Variants in GEN1 observed in about 807,000 individuals in gnomAD.
GEN1 encodes flap endonuclease GEN homolog 1.
A neutral mutation model predicts 67.6 loss-of-function variants in GEN1; 64 were observed. The ratio of observed to expected loss-of-function variants is 0.95; its 90% CI spans 0.77 to 1.17. The LOEUF (loss-of-function observed/expected upper bound fraction) is 1.17, where lower values mean the gene tolerates loss of function less well. Among genes scored for constraint, GEN1 ranks in the 50% most tolerant of loss-of-function variants. The probability of loss-of-function intolerance (pLI) is 0.00; values close to 1 mark genes in which losing one functional copy is unlikely to be tolerated. For synonymous variants in GEN1, 371 were observed against 359.4 expected (o/e 1.03, Z -0.37); for missense variants, 1,058 against 1,048.3 (o/e 1.01, Z -0.13).
At chr2:17,757,271 G>C (rs1671473226) in intron 1 of GEN1, among the ~76,000 whole-genome samples, 1 of 148,412 alleles carries the variant, frequency 6.7e-6, no homozygotes, top group Non-Finnish European at 1.5e-5. Flanking sequence ...TTTAGGCATG[G>C]CTGCCCCCTG....
chr2:17,774,904 T>TA (rs1402767711), intron 11 of GEN1, among the ~76,000 whole-genome samples: 5 of 151,610 alleles, frequency 3.3e-5, no homozygotes, highest in East Asian at 1.9e-4. Context: ...GGGTAGATAA[T>TA]AAAAAACTAA....
rs1164824094 is a variant in GEN1 at position 17,784,209 on chromosome 2, A to G, written c.*2270A>G. Reference sequence around the variant, plus strand: ...GCTTTTCTGCAAAGAAGAAATACAAATGACCAAGAAGCACATTTAAAAATT... The same window carrying G: ...GCTTTTCTGCAAAGAAGAAATACAAGTGACCAAGAAGCACATTTAAAAATT... On this transcript the variant is annotated 3_prime_UTR_variant, in exon 14 of 14. Transcript: ENST00000381254. The G allele has an allele frequency of 1.3e-5, 2 of 152,242 alleles. No homozygotes were observed. The highest frequency in any genetic ancestry group is 2.9e-5 in the Non-Finnish European group (2 of 68,044). The allele number at this position is 152,242 out of a possible 1,614,324, so 9.4% of individuals were successfully genotyped here. A position where few individuals can be genotyped will look rare whatever the true frequency, so the allele number is the denominator to read the frequency against.
Position 17,772,747 on chromosome 2 carries a change from G to C in GEN1, c.916G>C (p.Asp306His), listed in dbSNP as rs1208983676. ...CPCEWHRTEH[D>H]RQLSEVENNI... ...TTGTGAGTGGCACCGTACAGAACAT[G>C]ATAGGCAACTCAGTGAAGTAGAGAA... is the stretch of plus-strand genomic sequence containing the variant. The change falls in exon 8 of 14, where the codon GAT (aspartate) becomes CAT (histidine). Residue 306 changes from aspartate (D) to histidine (H), a missense_variant. By Grantham distance (81) the Asp-to-His change is moderately conservative. Transcript: ENST00000381254. The C allele has an allele frequency of 1.2e-6, 2 of 1,610,820 alleles. No individual in the cohort carries two copies. The highest frequency in any genetic ancestry group is 1.7e-6 in the Non-Finnish European group (2 of 1,178,434).
chr2:17,766,673 G>C lies in GEN1; in HGVS notation c.620G>C (p.Cys207Ser), dbSNP rs138511510. The C allele has an allele frequency of 1.9e-6, 3 of 1,584,950 alleles. No homozygotes were observed. The highest frequency in any genetic ancestry group is 2.6e-6 in the Non-Finnish European group (3 of 1,154,426). Reference sequence around the variant, plus strand: ...GTTGGATTAGCAATACTTCTTGGCTGTGATTATCTCCCAAAGGTAAGCTGA... The same window carrying C: ...GTTGGATTAGCAATACTTCTTGGCTCTGATTATCTCCCAAAGGTAAGCTGA... ...ALVGLAILLG[C>S]DYLPKGVPGV... is the part of the protein sequence containing the mutation. The change falls in exon 5 of 14, where the codon TGT becomes TCT. Residue 207 changes from cysteine (C) to serine (S), a missense_variant. Coordinates refer to ENST00000381254, the MANE Select transcript of GEN1 (RefSeq NM_001130009.3).
intron 9 of GEN1, 28 bp from the exon 10 acceptor site, chr2:17,773,191 C>A: frequency 6.4e-7 from 1 of 1,555,110 alleles, no homozygotes; most frequent in Non-Finnish European, 8.8e-7. Context: ...GTTTAAATCT[C>A]AGTTTCTATT....
chr2:17,780,338 T>TTAA (rs757581828), intron 13 of GEN1, among the ~76,000 whole-genome samples: 61 of 152,224 alleles, frequency 4.0e-4, no homozygotes, highest in Non-Finnish European at 8.2e-4. Flanking sequence ...TAGACACGTG[T>TTAA]TAATAATAAT....
At position 17,768,667 on chromosome 2, in the gene GEN1, T is replaced by G. The variant is rs572056227; in HGVS notation, c.637-71T>G. On this transcript the variant is annotated intron_variant, in intron 5 of 13. Coordinates refer to ENST00000381254, the MANE Select transcript of GEN1 (RefSeq NM_001130009.3). The stretch of plus-strand genomic sequence containing the variant: ...ATTCTTTCAGCTGCTGACTCTTCCG[T>G]TCAATTAATATACTTTTAACCATTC... 62 of 1,127,408 alleles carry G rather than the reference T, an allele frequency of 5.5e-5. No homozygotes were observed. The South Asian group carries it at 7.5e-4, about 14-fold the overall frequency. The allele number at this position is 1,127,408 out of a possible 1,614,324, so 69.8% of individuals were successfully genotyped here. A position where few individuals can be genotyped will look rare whatever the true frequency, so the allele number is the denominator to read the frequency against.
rs772160483 is a variant in GEN1, at chr2:17,761,525, T to C, written c.291T>C (p.Ser97=). The change falls in exon 3 of 14, where the codon TCT becomes TCC. Residue 97 remains serine (S), a synonymous_variant. Transcript: ENST00000381254. The part of the protein sequence containing the change: ...SKRNQSRYGS[S]GKSWSQKTGR... Reference sequence around the variant, plus strand: ...GGAATCAGTCTCGGTATGGGTCTTCTGGAAAATCGTGGTCTCAGAAAACAG... The same window carrying C: ...GGAATCAGTCTCGGTATGGGTCTTCCGGAAAATCGTGGTCTCAGAAAACAG... 17 of 1,613,190 alleles carry C rather than the reference T, an allele frequency of 1.1e-5. No homozygotes were observed. The South Asian group carries it at 1.9e-4, about 18-fold the overall frequency.
In GEN1 at chr2:17,772,655, G is replaced by A. The variant is rs202239270; in HGVS notation, c.824G>A (p.Arg275His). 248 of 1,610,562 alleles carry A rather than the reference G, an allele frequency of 1.5e-4. 1 individual carries two copies. The highest frequency in any genetic ancestry group is 3.8e-4 in the East Asian group (17 of 44,788). ...AAAGGTTCACCTAAGGATCATGAAC[G>A]TAATGGATGCAGATTATGTAAAAGT... ...SHPGSPKDHE[R>H]NGCRLCKSDK... Residue 275 changes from arginine (R) to histidine (H), a missense_variant, in exon 8 of 14, where the codon CGT becomes CAT. Physicochemically the swap from Arg to His is conservative, Grantham distance 29. Transcript: ENST00000381254.
chr2:17,760,644 G>A (rs914534351), intron 2 of GEN1, among the ~76,000 whole-genome samples: 6 of 152,136 alleles, frequency 3.9e-5, no homozygotes, highest in Admixed American at 1.3e-4. Context: ...TGGTTTGGCC[G>A]CGTGCAGTGG....
chr2:17,761,549 A>C lies in GEN1; in HGVS notation c.315A>C (p.Thr105=). The C allele has an allele frequency of 6.2e-7, 1 of 1,610,898 alleles. No individual in the cohort carries two copies. The highest frequency in any genetic ancestry group is 8.5e-7 in the Non-Finnish European group (1 of 1,179,104). The stretch of plus-strand genomic sequence containing the variant: ...CTGGAAAATCGTGGTCTCAGAAAAC[A>C]GGGAGATCACATTTTAAATCAGTCT... ...GSSGKSWSQK[T]GRSHFKSVLR... The change falls in exon 3 of 14, where the codon ACA becomes ACC. Residue 105 remains threonine, a synonymous_variant. Coordinates refer to ENST00000381254, the MANE Select transcript of GEN1 (RefSeq NM_001130009.3).
chr2:17,773,734 TATCTC>T (rs953993167), intron 10 of GEN1, among the ~76,000 whole-genome samples: 3 of 152,112 alleles, frequency 2.0e-5, no homozygotes, highest in East Asian at 1.9e-4. Flanking sequence ...TAATATTACT[TATCTC>T]ATAAAGTCAC....
chr2:17,778,323 C>CATATATGTATATACACACACATGTGT (rs1553331284), intron 12 of GEN1, among the ~76,000 whole-genome samples: 1 of 30,870 alleles, frequency 3.2e-5, no homozygotes, highest in African/African-American at 1.1e-4. Context: ...TACACACACA[C>CATATATGTATATACACACACATGTGT]GTGTACATAT....
In GEN1 at chr2:17,785,597, T is replaced by C. The variant is rs571009158; in HGVS notation, c.*3658T>C. The C allele has an allele frequency of 3.9e-5, 6 of 152,156 alleles. No individual in the cohort carries two copies. The highest frequency in any genetic ancestry group is 1.4e-4 in the African/African-American group (6 of 41,502). The allele number at this position is 152,156 out of a possible 1,614,324, so 9.4% of individuals were successfully genotyped here. On this transcript the variant is annotated 3_prime_UTR_variant, in exon 14 of 14. Coordinates refer to ENST00000381254, the MANE Select transcript of GEN1 (RefSeq NM_001130009.3). ...GGTTTTTCTTTTAGATTTTTTTCCA[T>C]ATAAAATCTCTATCTGGCCACACAT...
intron 4 of GEN1, among the ~76,000 whole-genome samples, chr2:17,765,706 A>G (rs1466856433): frequency 6.6e-6 from 1 of 152,218 alleles, no homozygotes; most frequent in Non-Finnish European, 1.5e-5. Flanking sequence ...CAGAGTCCAT[A>G]TGATGTAATA....
chr2:17,782,029 A>C lies in GEN1; in HGVS notation c.*90A>C. The stretch of plus-strand genomic sequence containing the variant: ...AAGGTATCTAGTTCATGTGTGGTAA[A>C]AATTTTAATGTTCTCTGTGTCATGA... On this transcript the variant is annotated 3_prime_UTR_variant, in exon 14 of 14. Transcript: ENST00000381254. 1 of 705,260 alleles carries C rather than the reference A, an allele frequency of 1.4e-6. No individual in the cohort carries two copies. The highest frequency in any genetic ancestry group is 2.3e-6 in the Non-Finnish European group (1 of 429,664). The allele number at this position is 705,260 out of a possible 1,614,324, so 43.7% of individuals were successfully genotyped here.
rs1673088036 is a variant in GEN1 at position 17,787,223 on chromosome 2, C to T, written c.*5284C>T. The T allele has an allele frequency of 1.3e-5, 2 of 152,222 alleles. No homozygotes were observed. Among genetic ancestry groups the T allele is most frequent in the Non-Finnish European group, 2.9e-5 (2 of 68,044 alleles). 9.4% of individuals were successfully genotyped at this position (152,222 alleles called of 1,614,324 possible). ...CCCATACATTCATCAGAGTATTTAT[C>T]ACATTCATTCATTCGTTCCACAAAT... On this transcript the variant is annotated 3_prime_UTR_variant, in exon 14 of 14. Coordinates refer to ENST00000381254, the MANE Select transcript of GEN1 (RefSeq NM_001130009.3).
rs1672838712 is a variant in GEN1, at chr2:17,781,584, TGAA to T, written c.2378_2380del (p.Lys793del). The stretch of plus-strand genomic sequence containing the variant: ...ATGCAAACCACTCGGAAAATTTTAA[TGAA>T]GAAGAGTGTTTGCCTTGACAGACAT... On this transcript the variant is annotated inframe_deletion, in exon 14 of 14. Coordinates refer to ENST00000381254, the MANE Select transcript of GEN1 (RefSeq NM_001130009.3). 1 of 1,613,980 alleles carries T rather than the reference TGAA, an allele frequency of 6.2e-7. No homozygotes were observed. Among genetic ancestry groups the T allele is most frequent in the Non-Finnish European group, 8.5e-7 (1 of 1,179,936 alleles).
chr2:17,770,392 G>T (rs1672125655), intron 6 of GEN1, among the ~76,000 whole-genome samples: 1 of 152,126 alleles, frequency 6.6e-6, no homozygotes, highest in Middle Eastern at 3.2e-3. Context: ...TGTAGTAAAT[G>T]AATTAGAAAT....
Sources: gnomAD v4.1 joint callset for allele counts (sites outside exome capture counted in the v4.1 genomes callset) on GRCh38, gnomAD v4.1.1 for gene constraint, MANE v1.5 for transcripts, NCBI Gene and HGNC (gene_info 2026-07-23, HGNC 2026-07-21) for gene names.